Variants in ZNF521 observed in about 807,000 individuals in gnomAD.
ZNF521 encodes LYST-interacting protein 3.
In ZNF521, 14 loss-of-function variants were observed where a neutral mutation model predicts 105.5. The ratio of observed to expected loss-of-function variants is 0.13; its 90% CI spans 0.09 to 0.21. ZNF521 has a LOEUF of 0.21. Ranked by LOEUF, ZNF521 falls within the 10% of genes least tolerant of loss-of-function variation. The pLI is 1.00. For missense variants in ZNF521, 1,233 were observed against 1,629.7 expected, an observed-to-expected ratio of 0.76 and a Z score of 4.19; for synonymous variants, 635 against 606.0, an observed-to-expected ratio of 1.05 and a Z score of -0.70.
chr18:25,249,345 G>C (rs1241485324), intron 3 of ZNF521, among the ~76,000 whole-genome samples: 9 of 151,840 alleles, frequency 5.9e-5, no homozygotes, highest in Non-Finnish European at 7.4e-5. Flanking sequence ...TTTTAGTAGA[G>C]ACAGGGTTTC....
chr18:25,271,582 G>A (rs867800655), intron 3 of ZNF521, among the ~76,000 whole-genome samples: 3 of 152,034 alleles, frequency 2.0e-5, no homozygotes, highest in Non-Finnish European at 2.9e-5. Flanking sequence ...ATAGACCAAT[G>A]GAACAGAACA....
At chr18:25,300,472 T>C (rs1458190555) in intron 3 of ZNF521, among the ~76,000 whole-genome samples, 4 of 152,190 alleles carry the variant, frequency 2.6e-5, no homozygotes, top group Non-Finnish European at 5.9e-5. Flanking sequence ...TTTGATCTAA[T>C]AGTGTATAAA....
chr18:25,077,290 C>G (rs890983861), intron 7 of ZNF521, among the ~76,000 whole-genome samples: 2 of 152,180 alleles, frequency 1.3e-5, no homozygotes, highest in African/African-American at 4.8e-5. Flanking sequence ...GTTCTGCCTT[C>G]CCGTTCCCCT....
chr18:25,111,902 G>A (rs1473459474), intron 5 of ZNF521, among the ~76,000 whole-genome samples: 6 of 152,196 alleles, frequency 3.9e-5, no homozygotes, highest in East Asian at 1.9e-4. Context: ...CCTCCTCGGC[G>A]TGGCGGAGTA....
chr18:25,116,919 C>CACATATA (rs1567968553), intron 5 of ZNF521, among the ~76,000 whole-genome samples: 1 of 136,806 alleles, frequency 7.3e-6, no homozygotes, highest in Admixed American at 7.4e-5. Context: ...ATACGTATAT[C>CACATATA]TATGTATATA....
chr18:25,275,567 C>G (rs373084806), intron 3 of ZNF521, among the ~76,000 whole-genome samples: 1 of 152,230 alleles, frequency 6.6e-6, no homozygotes, highest in African/African-American at 2.4e-5. Context: ...ACACATCATA[C>G]TTTCAAAATA....
intron 3 of ZNF521, among the ~76,000 whole-genome samples, chr18:25,264,551 T>C (rs1203680877): frequency 6.6e-6 from 1 of 152,196 alleles, no homozygotes; most frequent in African/African-American, 2.4e-5. Context: ...ATGAGTTTCC[T>C]AAGATCAATA....
chr18:25,063,781 T>C (rs536608951), intron 7 of ZNF521, among the ~76,000 whole-genome samples: 23 of 152,248 alleles, frequency 1.5e-4, no homozygotes, highest in African/African-American at 5.5e-4. Context: ...CCTCTGTGCT[T>C]TCCTGGAGCC....
At chr18:25,158,893 T>G (rs1301731920) in intron 5 of ZNF521, among the ~76,000 whole-genome samples, 1 of 150,714 alleles carries the variant, frequency 6.6e-6, no homozygotes, top group East Asian at 1.9e-4. Flanking sequence ...AAGGTGGAGG[T>G]TGCAGTGAGC....
chr18:25,323,424 T>G lies in ZNF521; in HGVS notation c.41-1237A>C, dbSNP rs140428362. Among the ~76,000 whole-genome samples the G allele has an allele frequency of 7.9e-3, 1,209 of 152,100 alleles. 17 individuals are homozygous for G. Among genetic ancestry groups the G allele is most frequent in the African/African-American group, 0.026 (1,078 of 41,468 alleles). ...ATATGATAATTTAAATACAAATATA[T>G]TCAATGTTTTTAATTTTGCTTTTTA... On this transcript the variant is annotated intron_variant, in intron 2 of 7. Transcript: ENST00000361524.
In ZNF521 at chr18:25,096,055, G is replaced by T. The variant is rs1229114877; in HGVS notation, c.3659-3974C>A. Among the ~76,000 whole-genome samples, 5 of 152,216 alleles carry T rather than the reference G, an allele frequency of 3.3e-5. No individual in the cohort carries two copies. In the East Asian group the frequency reaches 9.7e-4, roughly 29 times the overall value. On this transcript the variant is annotated intron_variant, in intron 5 of 7. Coordinates refer to ENST00000361524, the MANE Select transcript of ZNF521 (RefSeq NM_015461.3). Reference sequence around the variant, plus strand: ...CCAAAGCTGCTTTGAGTATAATTAAGAAATCATTTCACATGTATAGAAATT... The same window carrying T: ...CCAAAGCTGCTTTGAGTATAATTAATAAATCATTTCACATGTATAGAAATT...
Position 25,225,811 on chromosome 18 carries a change from A to G in ZNF521, c.2107T>C (p.Phe703Leu). ...YYICESCDKQ[F>L]TSVDDLQKHL... ...TTCTGAAGGTCATCCACTGATGTGA[A>G]TTGCTTGTCACAACTCTCACAGATG... Residue 703 changes from phenylalanine (F) to leucine (L), a missense_variant, in exon 4 of 8, where the codon TTC (phenylalanine) becomes CTC (leucine). Phe to Leu is a conservative substitution (Grantham distance 22). Around this residue, in one of 6 missense-constraint regions of ZNF521, gnomAD observed 614 missense variants for 751.5 expected, o/e 0.82. Transcript: ENST00000361524. This position sits in a 1 kb window ranked among gnomAD's most constrained non-coding sequence, Gnocchi z 5.6. The G allele has an allele frequency of 1.9e-6, 3 of 1,614,246 alleles. No homozygotes were observed. Among genetic ancestry groups the G allele is most frequent in the Non-Finnish European group, 2.5e-6 (3 of 1,180,036 alleles).
In ZNF521 at chr18:25,224,832, A is replaced by G; in HGVS notation, c.3086T>C (p.Val1029Ala). ...GATTTTGAGTTCCAAGGTGGAGGTC[A>G]CTGTCTGCATGCACACCACGCAGCG... ...GFRCVVCMQTVTSTLELKIHG... is the reference protein window; with the variant it reads ...GFRCVVCMQTATSTLELKIHG... Residue 1029 changes from valine to alanine, a missense_variant, in exon 4 of 8, where the codon GTG becomes GCG. By Grantham distance (64) the Val-to-Ala change is moderately conservative. Around this residue, in one of 6 missense-constraint regions of ZNF521, gnomAD observed 614 missense variants for 751.5 expected, o/e 0.82. Coordinates refer to ENST00000361524, the MANE Select transcript of ZNF521 (RefSeq NM_015461.3). 6.2e-7 allele frequency: 1 copy of G among 1,614,076 alleles called. No individual in the cohort carries two copies. Among genetic ancestry groups the G allele is most frequent in the Non-Finnish European group, 8.5e-7 (1 of 1,180,012 alleles).
intron 3 of ZNF521, among the ~76,000 whole-genome samples, chr18:25,275,681 T>C (rs1420395186): frequency 6.6e-6 from 1 of 152,192 alleles, no homozygotes; most frequent in Non-Finnish European, 1.5e-5. Flanking sequence ...AGGTTTAGTG[T>C]TCTGCACTGG....
chr18:25,178,659 C>G (rs2035574804), intron 5 of ZNF521, among the ~76,000 whole-genome samples: 1 of 152,084 alleles, frequency 6.6e-6, no homozygotes, highest in African/African-American at 2.4e-5. Context: ...GAAGAGAATA[C>G]CTAGGCTAAG....
At chr18:25,179,116 C>CA (rs2035583758) in intron 5 of ZNF521, among the ~76,000 whole-genome samples, 1 of 52,440 alleles carries the variant, frequency 1.9e-5, no homozygotes, top group Non-Finnish European at 3.5e-5. Flanking sequence ...TTCTTTATTC[C>CA]TTTTTTTTTT....
chr18:25,328,700 G>A (rs1354184701), intron 2 of ZNF521, among the ~76,000 whole-genome samples: 1 of 151,714 alleles, frequency 6.6e-6, no homozygotes, highest in Non-Finnish European at 1.5e-5. Context: ...TTACAGGCAC[G>A]TGCCACCATG....
chr18:25,112,352 C>A (rs944135199), intron 5 of ZNF521, among the ~76,000 whole-genome samples: 1 of 152,092 alleles, frequency 6.6e-6, no homozygotes, highest in African/African-American at 2.4e-5. Flanking sequence ...CCATCAGGGC[C>A]CCTTCCAGAA....
At chr18:25,080,013 C>T (rs952601179) in intron 7 of ZNF521, among the ~76,000 whole-genome samples, 1 of 152,138 alleles carries the variant, frequency 6.6e-6, no homozygotes, top group Non-Finnish European at 1.5e-5. Flanking sequence ...CTTTTATGGG[C>T]GCTTTGGGTT....
Sources: allele counts gnomAD v4.1 joint callset (sites outside exome capture counted in the v4.1 genomes callset), GRCh38; gene constraint gnomAD v4.1.1; regional missense constraint gnomAD v4.1.1; non-coding constraint Gnocchi (gnomAD v3.1); transcripts MANE v1.5; gene names NCBI Gene and HGNC (gene_info 2026-07-23, HGNC 2026-07-21).